The following PCDHGA6 variants were observed in gnomAD, a reference collection of about 807,000 sequenced individuals.
PCDHGA6 encodes the protein protocadherin gamma subfamily A, 6.
A neutral mutation model predicts 60.6 loss-of-function variants in PCDHGA6; 41 were observed. That is an observed-to-expected ratio of 0.68 (90% CI 0.53 to 0.88). PCDHGA6 has a LOEUF of 0.88. Among genes scored for constraint, PCDHGA6 ranks in the 40% least tolerant of loss-of-function variants. The pLI is 0.00. For synonymous variants in PCDHGA6, 594 were observed against 524.4 expected (o/e 1.13, Z -1.81); for missense variants, 1,312 against 1,203.0 (o/e 1.09, Z -1.34).
At position 141,511,246 on chromosome 5, in the gene PCDHGA6, G is replaced by A; in HGVS notation, c.*73G>A. 2 of 1,578,734 alleles carry A rather than the reference G, an allele frequency of 1.3e-6. No homozygotes were observed. Among genetic ancestry groups the A allele is most frequent in the Non-Finnish European group, 1.7e-6 (2 of 1,162,472 alleles). On this transcript the variant is annotated 3_prime_UTR_variant, in exon 4 of 4. Coordinates refer to ENST00000517434, the MANE Select transcript of PCDHGA6 (RefSeq NM_018919.3). The stretch of plus-strand genomic sequence containing the variant: ...CCAGCTTCTCCTTACCTGCACCCAG[G>A]CCTCAGAGTTTCAGGGCTAACCCCC...
intron 1 of PCDHGA6, chr5:141,418,237 T>G (rs1470328670): frequency 6.2e-7 from 1 of 1,614,044 alleles, no homozygotes. Context: ...TTGAGGATGT[T>G]AATGACCACG....
chr5:141,472,412 G>A (rs1283620276), intron 1 of PCDHGA6, among the ~76,000 whole-genome samples: 8 of 151,940 alleles, frequency 5.3e-5, no homozygotes, highest in Non-Finnish European at 8.8e-5. Context: ...GTGGTGGCAC[G>A]CACCTGTATC....
intron 1 of PCDHGA6, among the ~76,000 whole-genome samples, chr5:141,447,493 T>A (rs538320272): frequency 3.3e-5 from 5 of 152,186 alleles, no homozygotes; most frequent in East Asian, 1.9e-4. Flanking sequence ...AGAAGGAATG[T>A]TTAGGATAAA....
intron 1 of PCDHGA6, chr5:141,404,365 C>G (rs1322773399): frequency 1.2e-6 from 2 of 1,613,818 alleles, no homozygotes; most frequent in Admixed American, 3.3e-5. Context: ...GTACTTCCAT[C>G]TTCTCCGTGA....
chr5:141,414,934 G>A (rs1473788181), intron 1 of PCDHGA6: 1 of 1,614,146 alleles, frequency 6.2e-7, no homozygotes, highest in South Asian at 1.1e-5. Context: ...CCGCTCCGCA[G>A]AGCCCGGCTA....
chr5:141,424,776 A>G (rs1406581367), intron 1 of PCDHGA6: 2 of 152,154 alleles, frequency 1.3e-5, no homozygotes, highest in African/African-American at 4.8e-5. Context: ...CAAATAGTAC[A>G]TTCAGTTCTT....
chr5:141,410,201 A>G, intron 1 of PCDHGA6: 3 of 1,613,988 alleles, frequency 1.9e-6, no homozygotes, highest in Non-Finnish European at 2.5e-6. Context: ...CTTCGCAGAC[A>G]ACTTGCAAGA....
chr5:141,422,330 C>A, intron 1 of PCDHGA6: 1 of 1,548,166 alleles, frequency 6.5e-7, no homozygotes. Flanking sequence ...ACAGTGATTG[C>A]TCTTCTAAAT....
In PCDHGA6 at chr5:141,375,695, G is replaced by C. The variant is rs540188136; in HGVS notation, c.1612G>C (p.Gly538Arg). 6.2e-7 allele frequency: 1 copy of C among 1,614,250 alleles called. No individual in the cohort carries two copies. Among genetic ancestry groups the C allele is most frequent in the South Asian group, 1.1e-5 (1 of 91,092 alleles). Reference sequence around the variant, plus strand: ...GCTGTGGGTGACAGCCAGCGACAGCGGGGACCCGCCTCTTAGCAGCAACGT... The same window carrying C: ...GCTGTGGGTGACAGCCAGCGACAGCCGGGACCCGCCTCTTAGCAGCAACGT... ...LQLWVTASDSGDPPLSSNVSL... is the reference protein window; with the variant it reads ...LQLWVTASDSRDPPLSSNVSL... Residue 538 changes from glycine (G) to arginine (R), a missense_variant, in exon 1 of 4, where the codon GGG becomes CGG. By Grantham distance (125) the Gly-to-Arg change is moderately radical (BLOSUM62 -2). Transcript: ENST00000517434.
intron 1 of PCDHGA6, chr5:141,414,180 A>T: frequency 6.2e-7 from 1 of 1,608,986 alleles, no homozygotes; most frequent in Non-Finnish European, 8.5e-7. Context: ...TTGCAACTGC[A>T]AAAGTGTTGA....
At chr5:141,387,089 G>A (rs1034064461) in intron 1 of PCDHGA6, among the ~76,000 whole-genome samples, 1 of 152,162 alleles carries the variant, frequency 6.6e-6, no homozygotes, top group Non-Finnish European at 1.5e-5. Flanking sequence ...TGTGATCATC[G>A]AAATGAGAAT....
intron 1 of PCDHGA6, chr5:141,408,546 A>G (rs777449394): frequency 6.2e-7 from 1 of 1,613,898 alleles, no homozygotes; most frequent in Non-Finnish European, 8.5e-7. Context: ...AATCCTTTAA[A>G]TATTTTTCAT....
At position 141,431,106 on chromosome 5, in the gene PCDHGA6, T is replaced by C. The variant is rs566174531; in HGVS notation, c.2424+54599T>C. 25 of 1,614,108 alleles carry C rather than the reference T, an allele frequency of 1.5e-5. No homozygotes were observed. In the South Asian group the frequency reaches 2.7e-4, roughly 18 times the overall value. On this transcript the variant is annotated intron_variant, in intron 1 of 3. Transcript: ENST00000517434. This position sits in a 1 kb window ranked among gnomAD's most constrained non-coding sequence, Gnocchi z 4.8. ...ATTCTGATGGAGGATAAAGTGAAAA[T>C]ATATGGAGTAGAAGTAGAAGTAAGG...
At chr5:141,478,050 C>G (rs2099429383) in intron 1 of PCDHGA6, 2 of 1,614,184 alleles carry the variant, frequency 1.2e-6, no homozygotes, top group South Asian at 2.2e-5. Context: ...CAGACTCTCA[C>G]GGTCTTGATC....
At chr5:141,385,027 G>T (rs1487991378) in intron 1 of PCDHGA6, 3 of 1,614,036 alleles carry the variant, frequency 1.9e-6, no homozygotes, top group East Asian at 2.2e-5. Context: ...CTTCGTCCTC[G>T]TACTGCTGGC....
chr5:141,400,175 A>G (rs374505357), intron 1 of PCDHGA6: 1 of 1,613,918 alleles, frequency 6.2e-7, no homozygotes, highest in Non-Finnish European at 8.5e-7. Flanking sequence ...CCCCAGGCTG[A>G]GCTGCAGTTT....
rs1028054307 is a variant in PCDHGA6 at position 141,417,708 on chromosome 5, G to A, written c.2424+41201G>A. The A allele has an allele frequency of 2.4e-5, 29 of 1,227,762 alleles. No homozygotes were observed. In the South Asian group the frequency reaches 2.9e-4, roughly 12 times the overall value. 76.1% of individuals were successfully genotyped at this position (1,227,762 alleles called of 1,614,324 possible). On this transcript the variant is annotated intron_variant, in intron 1 of 3. Transcript: ENST00000517434. ...AAAGAAAACCAGCTCCCACACAGAG[G>A]CTCCCGGCTGCGCAGACCTTGCCCA... is the stretch of plus-strand genomic sequence containing the variant.
intron 1 of PCDHGA6, chr5:141,392,838 AGACGCGGC>A (rs1239948956): frequency 6.2e-7 from 1 of 1,608,522 alleles, no homozygotes; most frequent in South Asian, 1.1e-5. Context: ...GAGTCGCCCC[AGACGCGGC>A]GAGCTGATCC....
In PCDHGA6 at chr5:141,512,223, C is replaced by G. The variant is rs1321595614; in HGVS notation, c.*1050C>G. 6.5e-6 allele frequency: 1 copy of G among 152,728 alleles called. No individual in the cohort carries two copies. The highest frequency in any genetic ancestry group is 1.5e-5 in the Non-Finnish European group (1 of 68,110). 9.5% of individuals were successfully genotyped at this position (152,728 alleles called of 1,614,324 possible). ...CTCGAAGCAGGTTTAGGACCAGGTC[C>G]CCTTGAGAGGTCAGAGGGGCCTCTG... On this transcript the variant is annotated 3_prime_UTR_variant, in exon 4 of 4. Transcript: ENST00000517434.
Sources: gnomAD v4.1 joint callset for allele counts (sites outside exome capture counted in the v4.1 genomes callset) on GRCh38, gnomAD v4.1.1 for gene constraint, Gnocchi (gnomAD v3.1) non-coding constraint, MANE v1.5 for transcripts, NCBI Gene and HGNC (gene_info 2026-07-23, HGNC 2026-07-21) for gene names.